GPR21: variants seen among roughly 807,000 people sequenced by gnomAD.
The protein encoded by GPR21 is G protein-coupled receptor 21.
A neutral mutation model predicts 21.5 loss-of-function variants in GPR21; 9 were observed. The observed-to-expected ratio is 0.42, with a 90% CI of 0.25 to 0.73. The LOEUF (loss-of-function observed/expected upper bound fraction) is 0.73. GPR21 is among the 30% of genes least tolerant of loss of function. GPR21 has a pLI of 0.27. For synonymous variants in GPR21, 169 were observed against 159.3 expected, an observed-to-expected ratio of 1.06 and a Z score of -0.46; for missense variants, 416 against 428.9, an observed-to-expected ratio of 0.97 and a Z score of 0.27.
the GPR21 span, among the ~76,000 whole-genome samples, chr9:123,048,446 G>C: frequency 6.6e-6 from 1 of 152,174 alleles, no homozygotes; most frequent in East Asian, 1.9e-4. Context: ...CTGTGTGTCT[G>C]TGTGTTGCAT....
At chr9:123,037,527 T>C (rs2032725967), downstream of GPR21, among the ~76,000 whole-genome samples, 1 of 152,226 alleles carries the variant, frequency 6.6e-6, no homozygotes, top group Non-Finnish European at 1.5e-5. Flanking sequence ...GAAAAATGGT[T>C]GTATTGTATA....
At chr9:123,041,187 T>C in the GPR21 span, among the ~76,000 whole-genome samples, 1 of 152,222 alleles carries the variant, frequency 6.6e-6, no homozygotes, top group Non-Finnish European at 1.5e-5. Context: ...CTGTAAGAGC[T>C]AGTGACTGTT....
chr9:123,035,754 T>G, downstream of GPR21: 1 of 589,632 alleles, frequency 1.7e-6, no homozygotes, highest in Non-Finnish European at 2.9e-6. Context: ...AACAATAGCA[T>G]ACAAATTATT....
the GPR21 span, among the ~76,000 whole-genome samples, chr9:123,047,847 AAC>A: frequency 2.0e-5 from 3 of 151,746 alleles, no homozygotes; most frequent in African/African-American, 4.8e-5. Context: ...GTATCATTCA[AAC>A]ACAGATTTTC....
At chr9:123,047,605 T>A in the GPR21 span, among the ~76,000 whole-genome samples, 4 of 152,174 alleles carry the variant, frequency 2.6e-5, no homozygotes, top group Admixed American at 2.6e-4. Context: ...TGTTTTTTGA[T>A]ACTTATTAAG....
In GPR21 at chr9:123,035,163, A is replaced by G. The variant is rs372991259; in HGVS notation, c.597A>G (p.Leu199=). The part of the protein sequence containing the change: ...SYFTLFIVMM[L]YAPAALIVCF... ...TCACCCTGTTCATCGTGATGATGTT[A>G]TATGCCCCAGCAGCCCTTATTGTCT... Residue 199 remains leucine (L), a synonymous_variant, in exon 2 of 2, where the codon TTA becomes TTG. Coordinates refer to ENST00000616002, the MANE Select transcript of GPR21 (RefSeq NM_005294.3). 1.2e-4 allele frequency: 188 copies of G among 1,613,838 alleles called. No homozygotes were observed. The highest frequency in any genetic ancestry group is 6.6e-4 in the Middle Eastern group (4 of 6,084).
rs752905509 is a variant in GPR21, at chr9:123,034,859, A to C, written c.293A>C (p.Glu98Ala). 3.1e-6 allele frequency: 5 copies of C among 1,614,004 alleles called. No homozygotes were observed. Among genetic ancestry groups the C allele is most frequent in the Non-Finnish European group, 3.4e-6 (4 of 1,179,942 alleles). The change falls in exon 2 of 2, where the codon GAG becomes GCG. Residue 98 changes from glutamate (E) to alanine (A), a missense_variant. Coordinates refer to ENST00000616002, the MANE Select transcript of GPR21 (RefSeq NM_005294.3). Reference protein sequence around the residue: ...SLLHHPLPVEESLTCQIFGFV... With the variant: ...SLLHHPLPVEASLTCQIFGFV... Reference sequence around the variant, plus strand: ...CTCCATCACCCCCTTCCAGTAGAGGAGTCCTTGACTTGCCAGATATTTGGT... The same window carrying C: ...CTCCATCACCCCCTTCCAGTAGAGGCGTCCTTGACTTGCCAGATATTTGGT...
chr9:123,048,139 A>G, the GPR21 span, among the ~76,000 whole-genome samples: 2 of 152,004 alleles, frequency 1.3e-5, no homozygotes, highest in African/African-American at 2.4e-5. Context: ...GGGTTTCACC[A>G]TGTTGGCCAG....
downstream of GPR21, among the ~76,000 whole-genome samples, chr9:123,040,315 A>C (rs1304985804): frequency 6.6e-6 from 1 of 152,172 alleles, no homozygotes; most frequent in Non-Finnish European, 1.5e-5. Context: ...TAAGAAGTAG[A>C]TGCTGGTAAT....
chr9:123,044,834 C>T, the GPR21 span, among the ~76,000 whole-genome samples: 1 of 152,024 alleles, frequency 6.6e-6, no homozygotes, highest in Non-Finnish European at 1.5e-5. Flanking sequence ...GAGTAGAATT[C>T]CTATAGTCTG....
At chr9:123,040,453 G>A (rs1267952666), downstream of GPR21, among the ~76,000 whole-genome samples, 1 of 152,106 alleles carries the variant, frequency 6.6e-6, no homozygotes, top group Non-Finnish European at 1.5e-5. Flanking sequence ...ATAGTAAAAG[G>A]TGAAATCATC....
downstream of GPR21, chr9:123,035,710 A>G (rs1251617511): frequency 4.9e-6 from 4 of 812,258 alleles, no homozygotes; most frequent in Non-Finnish European, 7.7e-6. Context: ...TTCCTAATTC[A>G]CTAGGAAATC....
In GPR21 at chr9:123,035,257, C is replaced by T. The variant is rs999045682; in HGVS notation, c.691C>T (p.Arg231Cys). The T allele has an allele frequency of 9.3e-6, 15 of 1,613,998 alleles. No individual in the cohort carries two copies. Among genetic ancestry groups the T allele is most frequent in the Middle Eastern group, 1.6e-4 (1 of 6,082 alleles). ...HTKDISERQA[R>C]FSSQSGETGE... The stretch of plus-strand genomic sequence containing the variant: ...AAAGGATATCAGCGAAAGGCAAGCC[C>T]GCTTCAGCAGCCAGAGTGGGGAGAC... The change falls in exon 2 of 2, where the codon CGC becomes TGC. Residue 231 changes from arginine to cysteine, a missense_variant. Physicochemically the swap from Arg to Cys is radical, Grantham distance 180. Coordinates refer to ENST00000616002, the MANE Select transcript of GPR21 (RefSeq NM_005294.3).
At chr9:123,040,276 G>T (rs911485262), downstream of GPR21, among the ~76,000 whole-genome samples, 1 of 152,158 alleles carries the variant, frequency 6.6e-6, no homozygotes, top group African/African-American at 2.4e-5. Flanking sequence ...TATGATGCTG[G>T]TGTATAAAAT....
At chr9:123,039,683 A>G (rs1163985749), downstream of GPR21, among the ~76,000 whole-genome samples, 1 of 152,218 alleles carries the variant, frequency 6.6e-6, no homozygotes, top group Admixed American at 6.5e-5. Flanking sequence ...AGAGAACTTC[A>G]GGCAGTGCTT....
the GPR21 span, among the ~76,000 whole-genome samples, chr9:123,048,957 A>G: frequency 6.6e-6 from 1 of 152,226 alleles, no homozygotes; most frequent in Non-Finnish European, 1.5e-5. Context: ...CTTGAGCCCT[A>G]AAAGGAAATG....
At chr9:123,036,432 G>A (rs1204328214), downstream of GPR21, among the ~76,000 whole-genome samples, 1 of 152,182 alleles carries the variant, frequency 6.6e-6, no homozygotes, top group Non-Finnish European at 1.5e-5. Context: ...ACAGCAAAAT[G>A]TGCTTAAGCT....
At chr9:123,044,738 T>C in the GPR21 span, among the ~76,000 whole-genome samples, 4 of 151,940 alleles carry the variant, frequency 2.6e-5, no homozygotes. Context: ...GAATGCAAAA[T>C]GCCATGTAGT....
In GPR21 at chr9:123,035,626, G is replaced by T. The variant is rs772146335; in HGVS notation, c.*10G>T. The T allele has an allele frequency of 4.0e-6, 6 of 1,497,760 alleles. No homozygotes were observed. In the South Asian group the frequency reaches 4.9e-5, roughly 12 times the overall value. The allele number at this position is 1,497,760 out of a possible 1,614,324, so 92.8% of individuals were successfully genotyped here. On this transcript the variant is annotated 3_prime_UTR_variant, in exon 2 of 2. Coordinates refer to ENST00000616002, the MANE Select transcript of GPR21 (RefSeq NM_005294.3). ...TGGATGTCATATCTGAAGTGGCTCA[G>T]TTACGGGGTTCCCGTGTGTGTGTGT...
Sources: allele counts gnomAD v4.1 joint callset (sites outside exome capture counted in the v4.1 genomes callset), GRCh38; gene constraint gnomAD v4.1.1; transcripts MANE v1.5; gene names NCBI Gene and HGNC (gene_info 2026-07-23, HGNC 2026-07-21).